Variants in HTR4 observed in about 807,000 individuals in gnomAD.
HTR4 encodes the protein 5-hydroxytryptamine (serotonin) receptor 4, G protein-coupled.
HTR4 carries 16 observed loss-of-function variants against 36.8 expected under a neutral mutation model. The ratio of observed to expected loss-of-function variants is 0.43; its 90% confidence interval spans 0.29 to 0.66. The LOEUF is 0.66. Among genes scored for constraint, HTR4 ranks in the 30% least tolerant of loss-of-function variants. The probability of loss-of-function intolerance (pLI) is 0.13; values close to 1 mark genes in which losing one functional copy is unlikely to be tolerated. For missense variants in HTR4, 438 were observed against 490.9 expected, an observed-to-expected ratio of 0.89 and a Z score of 1.02; for synonymous variants, 189 against 185.1, an observed-to-expected ratio of 1.02 and a Z score of -0.17.
chr5:148,604,527 C>T (rs1173856782), intron 2 of HTR4, among the ~76,000 whole-genome samples: 1 of 152,014 alleles, frequency 6.6e-6, no homozygotes, highest in Non-Finnish European at 1.5e-5. Flanking sequence ...GAAATGGGTA[C>T]ACATATGCAA....
chr5:148,611,815 A>G (rs1305788437), intron 2 of HTR4, among the ~76,000 whole-genome samples: 1 of 150,878 alleles, frequency 6.6e-6, no homozygotes, highest in Non-Finnish European at 1.5e-5. Context: ...TAGGCTCAAA[A>G]TAAAAGGATG....
At chr5:148,576,294 C>T (rs1377668740) in intron 2 of HTR4, among the ~76,000 whole-genome samples, 1 of 151,388 alleles carries the variant, frequency 6.6e-6, no homozygotes, top group African/African-American at 2.4e-5. Flanking sequence ...ATGAGAATTA[C>T]AAAACACTTC....
At chr5:148,462,587 TAGAA>T (rs1448872035) in intron 5 of HTR4, among the ~76,000 whole-genome samples, 1 of 151,970 alleles carries the variant, frequency 6.6e-6, no homozygotes, top group African/African-American at 2.4e-5. Context: ...CTGCCAAACA[TAGAA>T]GGAAGAAATT....
chr5:148,460,456 C>T (rs1020072890), intron 5 of HTR4, among the ~76,000 whole-genome samples: 17 of 151,736 alleles, frequency 1.1e-4, no homozygotes, highest in African/African-American at 4.1e-4. Context: ...TCTCAGAAAC[C>T]GTGCAAGAAA....
chr5:148,530,466 T>C (rs916864841), intron 4 of HTR4, among the ~76,000 whole-genome samples: 1 of 152,286 alleles, frequency 6.6e-6, no homozygotes, highest in Non-Finnish European at 1.5e-5. Context: ...CCATGTGGTG[T>C]TAAGCCTGCG....
chr5:148,504,036 A>T (rs1456249182), intron 6 of HTR4, among the ~76,000 whole-genome samples: 1 of 152,166 alleles, frequency 6.6e-6, no homozygotes, highest in Non-Finnish European at 1.5e-5. Context: ...TTCCCACACA[A>T]TAATAATGGG....
intron 2 of HTR4, among the ~76,000 whole-genome samples, chr5:148,562,449 C>G (rs1760258325): frequency 6.6e-6 from 1 of 152,116 alleles, no homozygotes; most frequent in Non-Finnish European, 1.5e-5. Flanking sequence ...GTTGACCACG[C>G]CAGAAACTGA....
At chr5:148,457,905 A>G (rs1755145120) in intron 5 of HTR4, among the ~76,000 whole-genome samples, 2 of 133,364 alleles carry the variant, frequency 1.5e-5, no homozygotes, top group Admixed American at 1.5e-4. Flanking sequence ...ATATTTTAAT[A>G]TATATTTAAT....
chr5:148,567,769 T>A (rs907878007), intron 2 of HTR4, among the ~76,000 whole-genome samples: 1 of 152,146 alleles, frequency 6.6e-6, no homozygotes, highest in Admixed American at 6.6e-5. Flanking sequence ...CAAAGAGCAT[T>A]TTCCTGACTA....
downstream of HTR4, among the ~76,000 whole-genome samples, chr5:148,477,411 A>G (rs2113710584): frequency 6.6e-6 from 1 of 152,270 alleles, no homozygotes; most frequent in South Asian, 2.1e-4. Flanking sequence ...AAAGGGGCAA[A>G]GGGGAAAAGT....
chr5:148,653,296 T>G (rs1454758591), intron 1 of HTR4, among the ~76,000 whole-genome samples: 5 of 152,186 alleles, frequency 3.3e-5, no homozygotes. Context: ...GATTTTCTCT[T>G]AACATTGAAC....
intron 2 of HTR4, among the ~76,000 whole-genome samples, chr5:148,610,699 G>T (rs142775793): frequency 0.24 from 36,416 of 150,490 alleles, 5,165 homozygotes; most frequent in Non-Finnish European, 0.33. Flanking sequence ...TGAGCTGAGA[G>T]AAGAAGGCTT....
Position 148,597,669 on chromosome 5 carries a change from C to T in HTR4, c.26+39320G>A, listed in dbSNP as rs143930930. On this transcript the variant is annotated intron_variant, in intron 2 of 6. Transcript: ENST00000377888. ...CCCAACCACTGTCTAGCCTCTGCAT[C>T]GCACCTTTCAACTGTCACTTTCCTA... is the stretch of plus-strand genomic sequence containing the variant. Among the ~76,000 whole-genome samples the T allele has an allele frequency of 3.2e-3, 493 of 152,296 alleles. 3 individuals are homozygous for T. The highest frequency in any genetic ancestry group is 6.3e-3 in the African/African-American group (261 of 41,572).
At chr5:148,512,005 T>G (rs1449053365) in intron 5 of HTR4, among the ~76,000 whole-genome samples, 1 of 152,234 alleles carries the variant, frequency 6.6e-6, no homozygotes, top group African/African-American at 2.4e-5. Context: ...TATAGTACAT[T>G]GACATCACTC....
intron 4 of HTR4, among the ~76,000 whole-genome samples, chr5:148,525,679 C>T (rs973845666): frequency 6.6e-6 from 1 of 152,138 alleles, no homozygotes; most frequent in Admixed American, 6.6e-5. Flanking sequence ...AGTCCTCACT[C>T]CTTAGCTCTC....
chr5:148,537,521 T>A (rs1263237567), intron 4 of HTR4, among the ~76,000 whole-genome samples: 1 of 151,616 alleles, frequency 6.6e-6, no homozygotes, highest in African/African-American at 2.4e-5. Context: ...AAGAGAGAGA[T>A]CTGAATAAAC....
At position 148,509,977 on chromosome 5, in the gene HTR4, G is replaced by A. The variant is rs1432572719; in HGVS notation, c.555C>T (p.Val185=). ...FNQNSNSTYC[V]FMVNKPYAIT... The stretch of plus-strand genomic sequence containing the variant: ...TGGCGTAGGGCTTGTTGACCATGAA[G>A]ACACAGTACGTAGAGTTAGAGTTCT... The change falls in exon 6 of 7, where the codon GTC becomes GTT. Residue 185 remains valine, a synonymous_variant. Transcript: ENST00000377888. 6.2e-7 allele frequency: 1 copy of A among 1,613,804 alleles called. No individual in the cohort carries two copies. Among genetic ancestry groups the A allele is most frequent in the South Asian group, 1.1e-5 (1 of 91,046 alleles).
At chr5:148,511,337 T>C (rs975661387) in intron 5 of HTR4, among the ~76,000 whole-genome samples, 7 of 152,192 alleles carry the variant, frequency 4.6e-5, no homozygotes, top group Non-Finnish European at 5.9e-5. Flanking sequence ...TAGTCATTAA[T>C]ATGCCCAAAC....
rs1754127747 is a variant in HTR4, at chr5:148,654,245, G to C, written c.-231C>G. ...TGGGGAGCCGGCGAGCGTGAGGCGCGGGCCAGGGGCTGCGGGCGCAGGACC... is the reference window on the plus strand; with the variant it reads ...TGGGGAGCCGGCGAGCGTGAGGCGCCGGCCAGGGGCTGCGGGCGCAGGACC... On this transcript the variant is annotated 5_prime_UTR_variant, in exon 1 of 7. Transcript: ENST00000377888. The C allele has an allele frequency of 1.0e-6, 1 of 985,122 alleles. No homozygotes were observed. Among genetic ancestry groups the C allele is most frequent in the Non-Finnish European group, 1.2e-6 (1 of 829,830 alleles). The allele number at this position is 985,122 out of a possible 1,614,324, so 61.0% of individuals were successfully genotyped here.
Sources: allele counts gnomAD v4.1 joint callset (sites outside exome capture counted in the v4.1 genomes callset), GRCh38; gene constraint gnomAD v4.1.1; transcripts MANE v1.5; gene names NCBI Gene and HGNC (gene_info 2026-07-23, HGNC 2026-07-21).